Variants in TRPV5 observed in about 807,000 individuals in gnomAD.
TRPV5 encodes calcium transport protein 2.
Under a neutral mutation model 74.1 loss-of-function variants are expected in TRPV5, and 66 were observed. The observed-to-expected ratio is 0.89, with a 90% confidence interval of 0.73 to 1.09. The LOEUF (loss-of-function observed/expected upper bound fraction) is 1.09, where lower values mean the gene tolerates loss of function less well. Among genes scored for constraint, TRPV5 ranks in the 50% least tolerant of loss-of-function variants. The pLI, the probability that TRPV5 is intolerant of heterozygous loss-of-function variation, is 0.00. For missense variants in TRPV5, 936 were observed against 930.4 expected (o/e 1.01, Z -0.08); for synonymous variants, 399 against 360.7 (o/e 1.11, Z -1.20).
chr7:142,918,431 C>G (rs902785857), intron 8 of TRPV5, among the ~76,000 whole-genome samples: 6 of 152,220 alleles, frequency 3.9e-5, no homozygotes, highest in Admixed American at 3.3e-4. Flanking sequence ...TGCCATCTAC[C>G]ATCTAGTTTA....
chr7:142,911,681 T>C (rs922532682), intron 13 of TRPV5, among the ~76,000 whole-genome samples: 2 of 152,230 alleles, frequency 1.3e-5, no homozygotes, highest in Admixed American at 6.5e-5. Context: ...ATGGTGTCTG[T>C]TGTGTTTATG....
In TRPV5 at chr7:142,908,528, C is replaced by A. The variant is rs1248458256; in HGVS notation, c.2176G>T (p.Val726Phe). Residue 726 changes from valine (V) to phenylalanine (F), a missense_variant, in exon 15 of 15, where the codon GTC becomes TTC. Transcript: ENST00000265310. The part of the protein sequence containing the change: ...LNLSEGDGEE[V>F]YHF Reference sequence around the variant, plus strand: ...AGCGATGTTAATCAAAAATGGTAGACCTCCTCTCCATCCCCCTCACTAAGG... The same window carrying A: ...AGCGATGTTAATCAAAAATGGTAGAACTCCTCTCCATCCCCCTCACTAAGG... The A allele has an allele frequency of 3.7e-6, 6 of 1,614,028 alleles. No individual in the cohort carries two copies. Among genetic ancestry groups the A allele is most frequent in the East Asian group, 2.2e-5 (1 of 44,888 alleles).
At chr7:142,925,981 G>C (rs1795982076) in intron 7 of TRPV5, among the ~76,000 whole-genome samples, 1 of 152,228 alleles carries the variant, frequency 6.6e-6, no homozygotes, top group Non-Finnish European at 1.5e-5. Flanking sequence ...AGGATGAGTA[G>C]TAGTTAGATG....
At chr7:142,913,302 T>C (rs1795734490) in intron 12 of TRPV5, among the ~76,000 whole-genome samples, 1 of 152,192 alleles carries the variant, frequency 6.6e-6, no homozygotes, top group Non-Finnish European at 1.5e-5. Flanking sequence ...GCCTACTGGA[T>C]AGCAGTGAGC....
Position 142,912,846 on chromosome 7 carries a change from A to ATCTG in TRPV5, c.1520-97_1520-96insCAGA, listed in dbSNP as rs1214124322. 11 of 832,382 alleles carry ATCTG rather than the reference A, an allele frequency of 1.3e-5. No homozygotes were observed. The Admixed American group carries it at 3.0e-4, about 23-fold the overall frequency. The allele number at this position is 832,382 out of a possible 1,614,324, so 51.6% of individuals were successfully genotyped here. A position where few individuals can be genotyped will look rare whatever the true frequency, so the allele number is the denominator to read the frequency against. On this transcript the variant is annotated intron_variant, in intron 12 of 14. Transcript: ENST00000265310. ...CACTTATTCTATCTCTGATCTATCT[A>ATCTG]TCTATCTATCTATCTATCTATCTAT... is the stretch of plus-strand genomic sequence containing the variant.
At position 142,929,411 on chromosome 7, in the gene TRPV5, C is replaced by A; in HGVS notation, c.487+17G>T. ...CCTCTCCAGCCAACCATCCTTCAAG[C>A]CCAACCCTGCTCTCACCAAAGTAGA... is the stretch of plus-strand genomic sequence containing the variant. On this transcript the variant is annotated intron_variant, in intron 4 of 14. Coordinates refer to ENST00000265310, the MANE Select transcript of TRPV5 (RefSeq NM_019841.7). 2 of 1,610,516 alleles carry A rather than the reference C, an allele frequency of 1.2e-6. No homozygotes were observed. The highest frequency in any genetic ancestry group is 1.7e-6 in the Non-Finnish European group (2 of 1,177,188).
At chr7:142,929,376 G>T (rs1392912775) in intron 4 of TRPV5, 52 bp downstream of exon 4, 25 of 1,595,460 alleles carry the variant, frequency 1.6e-5, no homozygotes, top group Non-Finnish European at 2.1e-5. Flanking sequence ...GCCTCCCTCT[G>T]CCTTGCCCGC....
rs1292897598 is a variant in TRPV5, at chr7:142,908,524, T to C, written c.2180A>G (p.Tyr727Cys). ...TGATAGCGATGTTAATCAAAAATGG[T>C]AGACCTCCTCTCCATCCCCCTCACT... ...NLSEGDGEEV[Y>C]HF is the part of the protein sequence containing the mutation. The change falls in exon 15 of 15, where the codon TAC becomes TGC. Residue 727 changes from tyrosine (Y) to cysteine (C), a missense_variant. By Grantham distance (194) the Tyr-to-Cys change is radical. Coordinates refer to ENST00000265310, the MANE Select transcript of TRPV5 (RefSeq NM_019841.7). The C allele has an allele frequency of 6.2e-7, 1 of 1,613,952 alleles. No homozygotes were observed. The highest frequency in any genetic ancestry group is 1.3e-5 in the African/African-American group (1 of 74,934).
At chr7:142,910,416 A>G (rs1795685337) in intron 13 of TRPV5, among the ~76,000 whole-genome samples, 1 of 152,230 alleles carries the variant, frequency 6.6e-6, no homozygotes, top group South Asian at 2.1e-4. Context: ...AGGTACCCTT[A>G]GCATTATGTC....
chr7:142,915,008 A>T lies in TRPV5; in HGVS notation c.1325T>A (p.Met442Lys). 1 of 1,614,160 alleles carries T rather than the reference A, an allele frequency of 6.2e-7. No homozygotes were observed. Among genetic ancestry groups the T allele is most frequent in the South Asian group, 1.1e-5 (1 of 91,084 alleles). The stretch of plus-strand genomic sequence containing the variant: ...CTCCCCATTGGTGTTGGTGAGCCGC[A>T]TCACCATGGTCACCAGCACCAGGGA... ...YASLVLVTMV[M>K]RLTNTNGEVV... Residue 442 changes from methionine to lysine, a missense_variant, in exon 11 of 15, where the codon ATG becomes AAG. Physicochemically the swap from Met to Lys is moderately conservative, Grantham distance 95 (BLOSUM62 -1). Transcript: ENST00000265310.
intron 8 of TRPV5, among the ~76,000 whole-genome samples, chr7:142,923,087 C>A (rs1365100129): frequency 2.0e-5 from 3 of 152,122 alleles, no homozygotes; most frequent in African/African-American, 7.2e-5. Context: ...GGTGATGGAG[C>A]CCAGTGATTT....
intron 4 of TRPV5, 67 bp from the exon 5 acceptor site, chr7:142,929,187 C>T: frequency 6.4e-7 from 1 of 1,567,822 alleles, no homozygotes; most frequent in Non-Finnish European, 8.7e-7. Context: ...CAGTCTCCCC[C>T]AAATAAGGGC....
chr7:142,921,072 G>A (rs748179828), intron 8 of TRPV5, among the ~76,000 whole-genome samples: 1 of 152,198 alleles, frequency 6.6e-6, no homozygotes, highest in Non-Finnish European at 1.5e-5. Flanking sequence ...GCAATCAGTT[G>A]CTTTTCAAAT....
At chr7:142,913,325 C>T (rs1469200542) in intron 12 of TRPV5, among the ~76,000 whole-genome samples, 2 of 152,216 alleles carry the variant, frequency 1.3e-5, no homozygotes, top group Non-Finnish European at 2.9e-5. Context: ...AAGGGAACTT[C>T]AGGACAGCGC....
At position 142,928,200 on chromosome 7, in the gene TRPV5, A is replaced by G; in HGVS notation, c.797T>C (p.Ile266Thr). Residue 266 changes from isoleucine (I) to threonine (T), a missense_variant, in exon 7 of 15, where the codon ATC becomes ACC. Coordinates refer to ENST00000265310, the MANE Select transcript of TRPV5 (RefSeq NM_019841.7). Reference sequence around the variant, plus strand: ...GGTCAGGGGTCCATACGTCCACTGGATGTGCCTCCGCTTCTGCATCAGGTG... The same window carrying G: ...GGTCAGGGGTCCATACGTCCACTGGGTGTGCCTCCGCTTCTGCATCAGGTG... The part of the protein sequence containing the change: ...FQHLMQKRRH[I>T]QWTYGPLTSI... 6.2e-7 allele frequency: 1 copy of G among 1,614,148 alleles called. No individual in the cohort carries two copies. The highest frequency in any genetic ancestry group is 8.5e-7 in the Non-Finnish European group (1 of 1,180,008).
chr7:142,908,329 G>T lies in TRPV5; in HGVS notation c.*185C>A. ...CCAGAAAATACGTGAGACAATCGAT[G>T]ACCATTGCCCATTGCCAGAAATTCT... On this transcript the variant is annotated 3_prime_UTR_variant, in exon 15 of 15. Transcript: ENST00000265310. 1.5e-6 allele frequency: 1 copy of T among 659,796 alleles called. No homozygotes were observed. Among genetic ancestry groups the T allele is most frequent in the Non-Finnish European group, 2.6e-6 (1 of 388,930 alleles). 40.9% of individuals were successfully genotyped at this position (659,796 alleles called of 1,614,324 possible). A position where few individuals can be genotyped will look rare whatever the true frequency, so the allele number is the denominator to read the frequency against.
chr7:142,909,576 C>T lies in TRPV5; in HGVS notation c.1809G>A (p.Met603Ile), dbSNP rs1586212241. The change falls in exon 14 of 15, where the codon ATG (methionine) becomes ATA (isoleucine). Residue 603 changes from methionine to isoleucine, a missense_variant. Met to Ile is a conservative substitution (Grantham distance 10). Coordinates refer to ENST00000265310, the MANE Select transcript of TRPV5 (RefSeq NM_019841.7). ...WRAQVVATTV[M>I]LERKLPRCLW... is the part of the protein sequence containing the mutation. ...GGCAGCGAGGCAGCTTCCGCTCCAG[C>T]ATCACTGTGGTGGCCACGACCTGGA... 6.2e-7 allele frequency: 1 copy of T among 1,614,034 alleles called. No homozygotes were observed.
chr7:142,914,819 C>T, intron 11 of TRPV5, 62 bp downstream of exon 11: 3 of 1,610,334 alleles, frequency 1.9e-6, no homozygotes, highest in Non-Finnish European at 2.5e-6. Context: ...CATTCTACCT[C>T]CATCCCTCTG....
Position 142,908,452 on chromosome 7 carries a change from TC to T in TRPV5, c.*61del. The T allele has an allele frequency of 6.4e-7, 1 of 1,572,280 alleles. No individual in the cohort carries two copies. The highest frequency in any genetic ancestry group is 8.7e-7 in the Non-Finnish European group (1 of 1,149,540). ...TTAGACACTTGCATAGGCAGAGGTC[TC>T]CGTCTCTGTCCCCGCCCCCAGGCCA... is the stretch of plus-strand genomic sequence containing the variant. On this transcript the variant is annotated 3_prime_UTR_variant, in exon 15 of 15. Coordinates refer to ENST00000265310, the MANE Select transcript of TRPV5 (RefSeq NM_019841.7).
Sources: allele counts gnomAD v4.1 joint callset (sites outside exome capture counted in the v4.1 genomes callset), GRCh38; gene constraint gnomAD v4.1.1; transcripts MANE v1.5; gene names NCBI Gene and HGNC (gene_info 2026-07-23, HGNC 2026-07-21).